The following ARHGEF33 variants were observed in gnomAD, a reference collection of about 807,000 sequenced individuals.
ARHGEF33 encodes DH and coiled-coil domain-containing protein ENSP00000381780.
A neutral mutation model predicts 101.9 loss-of-function variants in ARHGEF33; 72 were observed. The observed-to-expected ratio is 0.71, with a 90% CI of 0.58 to 0.86. The LOEUF (loss-of-function observed/expected upper bound fraction) is 0.86, where lower values mean the gene tolerates loss of function less well. ARHGEF33 is among the 40% of genes least tolerant of loss of function. ARHGEF33 has a pLI of 0.00. For synonymous variants in ARHGEF33, 499 were observed against 442.5 expected (o/e 1.13, Z -1.60); for missense variants, 1,169 against 1,111.3 (o/e 1.05, Z -0.74).
rs755541655 is a variant in ARHGEF33 at position 38,895,604 on chromosome 2, CAA to C, written c.-158-171_-158-170del. On this transcript the variant is annotated intron_variant, in intron 1 of 17. Coordinates refer to ENST00000409978, the MANE Select transcript of ARHGEF33 (RefSeq NM_001145451.5). The stretch of plus-strand genomic sequence containing the variant: ...TTAAAAATTAAAAGACTAAAAGAAA[CAA>C]AGACTTTTACTTTTTTACTTTATAT... Among the ~76,000 whole-genome samples, 201 of 152,172 alleles carry C rather than the reference CAA, an allele frequency of 1.3e-3. 1 individual carries two copies. The highest frequency in any genetic ancestry group is 1.7e-3 in the South Asian group (8 of 4,828).
chr2:38,926,991 G>T (rs1047320806), intron 4 of ARHGEF33, among the ~76,000 whole-genome samples: 1 of 152,144 alleles, frequency 6.6e-6, no homozygotes, highest in Non-Finnish European at 1.5e-5. Flanking sequence ...ATCAGAAAGT[G>T]GTTGATCTGG....
chr2:38,921,606 G>T (rs1666758888), intron 4 of ARHGEF33, among the ~76,000 whole-genome samples, 183 bp downstream of exon 4: 1 of 152,178 alleles, frequency 6.6e-6, no homozygotes, highest in Non-Finnish European at 1.5e-5. Flanking sequence ...ACTTTGGAGA[G>T]AACTGATTTT....
At chr2:38,915,933 G>T (rs1374520141) in intron 2 of ARHGEF33, among the ~76,000 whole-genome samples, 1 of 152,134 alleles carries the variant, frequency 6.6e-6, no homozygotes, top group African/African-American at 2.4e-5. Flanking sequence ...GGCTGAGGCA[G>T]GTGGGTCCCT....
intron 11 of ARHGEF33, 47 bp downstream of exon 11, chr2:38,951,168 T>C: frequency 2.0e-6 from 3 of 1,521,198 alleles, no homozygotes; most frequent in Non-Finnish European, 2.7e-6. Context: ...TACGGATTTG[T>C]GTCTCATTTG....
intron 10 of ARHGEF33, among the ~76,000 whole-genome samples, chr2:38,947,276 C>T (rs1667474631): frequency 1.3e-5 from 2 of 152,202 alleles, no homozygotes; most frequent in Non-Finnish European, 2.9e-5. Context: ...CACTCAAGAG[C>T]TTCCTCAGCC....
chr2:38,967,565 A>G (rs1019692383), intron 17 of ARHGEF33, among the ~76,000 whole-genome samples: 2 of 151,954 alleles, frequency 1.3e-5, no homozygotes, highest in African/African-American at 2.4e-5. Context: ...TCTCCAGCCC[A>G]CCCTGATTTA....
intron 17 of ARHGEF33, among the ~76,000 whole-genome samples, chr2:38,966,851 GGT>G (rs1668062696): frequency 6.6e-6 from 1 of 152,232 alleles, no homozygotes; most frequent in Non-Finnish European, 1.5e-5. Flanking sequence ...GGAAGAGAGA[GGT>G]GAGCATTAGC....
intron 1 of ARHGEF33, among the ~76,000 whole-genome samples, chr2:38,893,829 A>G (rs3099956): frequency 0.34 from 52,054 of 152,014 alleles, 9,349 homozygotes; most frequent in Non-Finnish European, 0.39. Flanking sequence ...CAAGTGAGTT[A>G]CCTCATTTTC....
intron 8 of ARHGEF33, 139 bp downstream of exon 8, chr2:38,935,973 A>G (rs767224781): frequency 6.7e-6 from 5 of 741,634 alleles, no homozygotes; most frequent in South Asian, 3.7e-5. Context: ...AGTTACGAAG[A>G]TTCCAAGATG....
At chr2:38,921,170 G>T (rs535088334) in intron 3 of ARHGEF33, among the ~76,000 whole-genome samples, 1 of 152,164 alleles carries the variant, frequency 6.6e-6, no homozygotes, top group Non-Finnish European at 1.5e-5. Flanking sequence ...GAGTATATCA[G>T]GTAGATAATG....
At chr2:38,893,758 C>A (rs187392598) in intron 1 of ARHGEF33, among the ~76,000 whole-genome samples, 1 of 152,290 alleles carries the variant, frequency 6.6e-6, no homozygotes, top group East Asian at 1.9e-4. Flanking sequence ...GTTGAATGCA[C>A]GTGAACTCTG....
At chr2:38,915,195 A>G (rs1666604528) in intron 2 of ARHGEF33, among the ~76,000 whole-genome samples, 1 of 152,042 alleles carries the variant, frequency 6.6e-6, no homozygotes, top group Non-Finnish European at 1.5e-5. Flanking sequence ...ATGCTATAAT[A>G]TAGGTGGGAA....
chr2:38,932,813 T>C, intron 7 of ARHGEF33, among the ~76,000 whole-genome samples: 1 of 152,236 alleles, frequency 6.6e-6, no homozygotes, highest in South Asian at 2.1e-4. Context: ...ATGATTTCAG[T>C]GCCTACATGG....
chr2:38,902,869 A>T (rs1334799937), intron 2 of ARHGEF33, among the ~76,000 whole-genome samples: 1 of 152,076 alleles, frequency 6.6e-6, no homozygotes, highest in African/African-American at 2.4e-5. Context: ...TGAAAGGGAG[A>T]TAGGGTATAG....
intron 2 of ARHGEF33, among the ~76,000 whole-genome samples, chr2:38,910,355 G>C (rs1160094569): frequency 2.6e-5 from 4 of 152,316 alleles, no homozygotes; most frequent in African/African-American, 7.2e-5. Context: ...TGGATTGCCT[G>C]AGCTCAGGAG....
chr2:38,918,578 C>T (rs1215894807), intron 2 of ARHGEF33, among the ~76,000 whole-genome samples: 1 of 152,168 alleles, frequency 6.6e-6, no homozygotes, highest in Non-Finnish European at 1.5e-5. Flanking sequence ...CTTGCAGCTT[C>T]ATGTCTAATG....
chr2:38,924,278 A>C (rs1234307881), intron 4 of ARHGEF33, among the ~76,000 whole-genome samples: 2 of 152,174 alleles, frequency 1.3e-5, no homozygotes, highest in African/African-American at 4.8e-5. Context: ...GAATGTGTGT[A>C]ATTGTTAGAA....
chr2:38,954,476 C>G lies in ARHGEF33; in HGVS notation c.1221+20C>G. 2.1e-6 allele frequency: 3 copies of G among 1,453,964 alleles called. No individual in the cohort carries two copies. The highest frequency in any genetic ancestry group is 2.8e-6 in the Non-Finnish European group (3 of 1,058,102). 90.1% of individuals were successfully genotyped at this position (1,453,964 alleles called of 1,614,324 possible). ...CTGCAGGTAGGCATGGGTGGGAAAG[C>G]CACCAAACTGATTTGCATGCTAAGT... On this transcript the variant is annotated intron_variant, in intron 13 of 17. Transcript: ENST00000409978.
At chr2:38,958,785 G>A (rs1389875396) in intron 15 of ARHGEF33, among the ~76,000 whole-genome samples, 1 of 152,120 alleles carries the variant, frequency 6.6e-6, no homozygotes, top group Non-Finnish European at 1.5e-5. Flanking sequence ...AGGTTCAAGG[G>A]ATTCTCCTGC....
Sources: gnomAD v4.1 joint callset for allele counts (sites outside exome capture counted in the v4.1 genomes callset) on GRCh38, gnomAD v4.1.1 for gene constraint, MANE v1.5 for transcripts, NCBI Gene and HGNC (gene_info 2026-07-23, HGNC 2026-07-21) for gene names.